LRSAM1: variants seen among roughly 807,000 people sequenced by gnomAD.
LRSAM1 encodes leucine rich repeat and sterile alpha motif containing 1.
A neutral mutation model predicts 118.1 loss-of-function variants in LRSAM1; 96 were observed. That is an observed-to-expected ratio of 0.81 (90% CI 0.69 to 0.96). The LOEUF (loss-of-function observed/expected upper bound fraction) is 0.96. Ranked by LOEUF, LRSAM1 falls within the 40% of genes least tolerant of loss-of-function variation. The probability of loss-of-function intolerance (pLI) is 0.00; values close to 1 mark genes in which losing one functional copy is unlikely to be tolerated. For synonymous variants in LRSAM1, 322 were observed against 364.2 expected, an observed-to-expected ratio of 0.88 and a Z score of 1.32; for missense variants, 804 against 915.5, an observed-to-expected ratio of 0.88 and a Z score of 1.57.
At chr9:127,466,504 A>ATATATATATATATATT (rs1554755061) in intron 9 of LRSAM1, among the ~76,000 whole-genome samples, 16 of 24,506 alleles carry the variant, frequency 6.5e-4, no homozygotes, top group Non-Finnish European at 1.2e-3. Flanking sequence ...ATATATATAT[A>ATATATATATATATATT]TTTTTTTTTT....
At position 127,485,737 on chromosome 9, in the gene LRSAM1, C is replaced by T. The variant is rs763903913; in HGVS notation, c.1161C>T (p.Ser387=). Residue 387 remains serine (S), a splice_region_variant and synonymous_variant, in exon 17 of 26, where the codon TCC becomes TCT. Coordinates refer to ENST00000300417, the MANE Select transcript of LRSAM1 (RefSeq NM_001005373.4). The stretch of plus-strand genomic sequence containing the variant: ...TGTCCCCACCTCATGTTCCCACAGC[C>T]GCCATGCAGCAGATGCTGACTGAGA... ...TESLRRRDVA[S]AMQQMLTESC... is the part of the protein sequence containing the mutation. 10 of 1,613,950 alleles carry T rather than the reference C, an allele frequency of 6.2e-6. No individual in the cohort carries two copies. Among genetic ancestry groups the T allele is most frequent in the African/African-American group, 2.7e-5 (2 of 74,922 alleles).
At chr9:127,491,111 C>G (rs1835916534) in intron 19 of LRSAM1, 104 bp from the exon 20 acceptor site, 1 of 940,134 alleles carries the variant, frequency 1.1e-6, no homozygotes, top group African/African-American at 1.6e-5. Flanking sequence ...CCCAGCCTCC[C>G]CAGAAAGGCT....
chr9:127,481,732 A>T (rs1048681695), intron 15 of LRSAM1, among the ~76,000 whole-genome samples: 3 of 152,204 alleles, frequency 2.0e-5, no homozygotes, highest in African/African-American at 4.8e-5. Flanking sequence ...GAATAAGGCT[A>T]GATATATAAT....
chr9:127,475,427 G>T (rs1298355482), intron 11 of LRSAM1, among the ~76,000 whole-genome samples: 2 of 152,178 alleles, frequency 1.3e-5, no homozygotes, highest in African/African-American at 4.8e-5. Context: ...GGAGGCAGAG[G>T]TTGCAGTGAG....
intron 10 of LRSAM1, among the ~76,000 whole-genome samples, chr9:127,469,964 CA>C (rs891490729): frequency 6.6e-6 from 1 of 151,774 alleles, no homozygotes; most frequent in Non-Finnish European, 1.5e-5. Context: ...GACTCCATCT[CA>C]AAAAAATAAA....
At position 127,455,626 on chromosome 9, in the gene LRSAM1, A is replaced by G; in HGVS notation, c.174+6A>G. ...GCAAAGTTCTGCAGAAGAAGGTAAG[A>G]TGGAGCTTCATCTTCAGAGACTTTC... On this transcript the variant is annotated splice_donor_region_variant and intron_variant, in intron 5 of 25. Coordinates refer to ENST00000300417, the MANE Select transcript of LRSAM1 (RefSeq NM_001005373.4). 6.2e-7 allele frequency: 1 copy of G among 1,613,882 alleles called. No homozygotes were observed. The highest frequency in any genetic ancestry group is 8.5e-7 in the Non-Finnish European group (1 of 1,179,792).
At chr9:127,464,422 C>T (rs142815758) in intron 9 of LRSAM1, among the ~76,000 whole-genome samples, 3 of 140,970 alleles carry the variant, frequency 2.1e-5, no homozygotes, top group Non-Finnish European at 4.6e-5. Flanking sequence ...ACCTGGAGAC[C>T]GTGCTGTCCA....
chr9:127,482,852 A>G (rs926334231), intron 15 of LRSAM1, 98 bp from the exon 16 acceptor site: 10 of 1,215,662 alleles, frequency 8.2e-6, no homozygotes, highest in African/African-American at 4.5e-5. Flanking sequence ...TAGGTTGCCA[A>G]ATCAAGGAGG....
chr9:127,473,099 A>T (rs1262622511), intron 10 of LRSAM1, among the ~76,000 whole-genome samples: 1 of 152,154 alleles, frequency 6.6e-6, no homozygotes, highest in Non-Finnish European at 1.5e-5. Flanking sequence ...TTATTATTCT[A>T]ATGTCACTTC....
In LRSAM1 at chr9:127,501,001, T is replaced by TC. The variant is rs770265832; in HGVS notation, c.1913-5dup. The TC allele has an allele frequency of 8.7e-6, 14 of 1,613,624 alleles. No individual in the cohort carries two copies. The Admixed American group carries it at 2.3e-4, about 27-fold the overall frequency. On this transcript the variant is annotated splice_polypyrimidine_tract_variant and intron_variant, in intron 24 of 25. Transcript: ENST00000300417. ...ACCCTGGCTCAGTCTGTCTGTCTGG[T>TC]CCCCACAGAGCTGAAACCACCAATG...
intron 10 of LRSAM1, among the ~76,000 whole-genome samples, chr9:127,472,150 C>T (rs1434649622): frequency 2.0e-5 from 3 of 150,812 alleles, no homozygotes; most frequent in South Asian, 2.1e-4. Context: ...TTAGTAGAGA[C>T]GGGGTTTCAC....
At chr9:127,489,838 C>G (rs1161554711) in intron 19 of LRSAM1, among the ~76,000 whole-genome samples, 1 of 152,250 alleles carries the variant, frequency 6.6e-6, no homozygotes, top group Admixed American at 6.5e-5. Context: ...GCTGTCCCTG[C>G]TCCAGGCAGG....
intron 9 of LRSAM1, among the ~76,000 whole-genome samples, chr9:127,466,034 C>G (rs925085078): frequency 1.3e-5 from 2 of 152,144 alleles, no homozygotes; most frequent in African/African-American, 4.8e-5. Flanking sequence ...TTCTGCCAGG[C>G]ACAGTGGCTC....
chr9:127,487,585 G>A, intron 17 of LRSAM1, 91 bp from the exon 18 acceptor site: 1 of 1,222,318 alleles, frequency 8.2e-7, no homozygotes, highest in Non-Finnish European at 1.2e-6. Flanking sequence ...CTGAAGAAAT[G>A]GGTTATCTTG....
chr9:127,484,263 C>CTTTTTTT (rs35834839), intron 16 of LRSAM1, among the ~76,000 whole-genome samples: 1 of 133,682 alleles, frequency 7.5e-6, no homozygotes, highest in Non-Finnish European at 1.6e-5. Context: ...ATTTCTTTCC[C>CTTTTTTT]TTTTTTTTTT....
At chr9:127,466,575 A>G (rs1296602542) in intron 9 of LRSAM1, among the ~76,000 whole-genome samples, 3 of 130,182 alleles carry the variant, frequency 2.3e-5, no homozygotes, top group Non-Finnish European at 4.6e-5. Flanking sequence ...CTGGTCTCGA[A>G]CTCCTGGGCT....
At position 127,487,748 on chromosome 9, in the gene LRSAM1, C is replaced by T. The variant is rs1299926632; in HGVS notation, c.1332C>T (p.Ser444=). 6.8e-6 allele frequency: 11 copies of T among 1,612,844 alleles called. No individual in the cohort carries two copies. The East Asian group carries it at 1.8e-4, about 26-fold the overall frequency. The part of the protein sequence containing the change: ...WQQMDQNKAI[S]QILQESAMQK... ...AAATGGATCAGAACAAAGCCATCAGCCAGATCCTGCAGGAGGTGAGCCCTC... is the reference window on the plus strand; with the variant it reads ...AAATGGATCAGAACAAAGCCATCAGTCAGATCCTGCAGGAGGTGAGCCCTC... Residue 444 remains serine, a synonymous_variant, in exon 18 of 26, where the codon AGC becomes AGT. Transcript: ENST00000300417.
chr9:127,455,765 C>G, intron 5 of LRSAM1, 145 bp downstream of exon 5: 1 of 792,452 alleles, frequency 1.3e-6, no homozygotes, highest in Non-Finnish European at 2.2e-6. Context: ...CAGGTGTTTT[C>G]ACAGATAGGA....
intron 15 of LRSAM1, among the ~76,000 whole-genome samples, chr9:127,482,595 T>C (rs1835581618): frequency 6.6e-6 from 1 of 152,248 alleles, no homozygotes; most frequent in Non-Finnish European, 1.5e-5. Flanking sequence ...GTTACCAGTT[T>C]TCTTACTGTC....
Sources: gnomAD v4.1 joint callset for allele counts (sites outside exome capture counted in the v4.1 genomes callset) on GRCh38, gnomAD v4.1.1 for gene constraint, MANE v1.5 for transcripts, NCBI Gene and HGNC (gene_info 2026-07-23, HGNC 2026-07-21) for gene names.